PTPRS: variants seen among roughly 807,000 people sequenced by gnomAD.
The protein encoded by PTPRS is protein tyrosine phosphatase receptor type S, also known as receptor-type tyrosine-protein phosphatase S.
Under a neutral mutation model 215.3 loss-of-function variants are expected in PTPRS, and 63 were observed. The ratio of observed to expected loss-of-function variants is 0.29; its 90% CI spans 0.24 to 0.36. The LOEUF (loss-of-function observed/expected upper bound fraction) is 0.36. Ranked by LOEUF, PTPRS falls within the 10% of genes least tolerant of loss-of-function variation. The pLI, the probability that PTPRS is intolerant of heterozygous loss-of-function variation, is 1.00. For synonymous variants in PTPRS, 1,404 were observed against 1,191.4 expected (o/e 1.18, Z -3.68); for missense variants, 2,258 against 2,825.8 (o/e 0.80, Z 4.56).
chr19:5,295,325 C>T lies in PTPRS; in HGVS notation c.-94-9091G>A, dbSNP rs192000119. Among the ~76,000 whole-genome samples, 443 of 152,304 alleles carry T rather than the reference C, an allele frequency of 2.9e-3. 1 individual carries two copies. The highest frequency in any genetic ancestry group is 0.01 in the African/African-American group (431 of 41,576). On this transcript the variant is annotated intron_variant, in intron 1 of 37. Coordinates refer to ENST00000262963, the MANE Select transcript of PTPRS (RefSeq NM_002850.4). This position sits in a 1 kb window ranked among gnomAD's most constrained non-coding sequence, Gnocchi z 4.6. ...GGACGGCAGACAAGGGCTTGCCAGC[C>T]GCTTCCCAGCCAGTCCTGCCCTCTC...
At chr19:5,222,548 T>G in intron 18 of PTPRS, 141 bp downstream of exon 18, 2 of 998,622 alleles carry the variant, frequency 2.0e-6, no homozygotes, top group Non-Finnish European at 2.8e-6. Flanking sequence ...CGCCGGAGCC[T>G]CGGGGTCCGG....
rs1278436918 is a variant in PTPRS, at chr19:5,315,350, GGTTTT to G, written c.-95+25309_-95+25313del. Among the ~76,000 whole-genome samples, 560 of 101,250 alleles carry G rather than the reference GGTTTT, an allele frequency of 5.5e-3. 68 individuals are homozygous for G. The highest frequency in any genetic ancestry group is 0.021 in the African/African-American group (510 of 24,570). 66.4% of individuals were successfully genotyped at this position (101,250 alleles called of 152,430 possible). A position where few individuals can be genotyped will look rare whatever the true frequency, so the allele number is the denominator to read the frequency against. On this transcript the variant is annotated intron_variant, in intron 1 of 37. Coordinates refer to ENST00000262963, the MANE Select transcript of PTPRS (RefSeq NM_002850.4). ...TCATGGAGAATTTTTATTTGAAAAG[GGTTTT>G]TTTTTTTTTTTTTTTTTTTTTTTTT...
chr19:5,218,475 G>T lies in PTPRS; in HGVS notation c.3993C>A (p.Ala1331=). 2 of 1,614,100 alleles carry T rather than the reference G, an allele frequency of 1.2e-6. No homozygotes were observed. Residue 1331 remains alanine, a synonymous_variant, in exon 25 of 38, where the codon GCC becomes GCA. Coordinates refer to ENST00000262963, the MANE Select transcript of PTPRS (RefSeq NM_002850.4). ...TKCLLNNADL[A]PHHPKDPVEM... Reference sequence around the variant, plus strand: ...CCACAGGGTCCTTGGGGTGGTGAGGGGCGAGGTCGGCATTGTTCAGGAGGC... The same window carrying T: ...CCACAGGGTCCTTGGGGTGGTGAGGTGCGAGGTCGGCATTGTTCAGGAGGC...
rs767142162 is a variant in PTPRS, at chr19:5,223,098, C to A, written c.2694G>T (p.Gly898=). 1.3e-5 allele frequency: 21 copies of A among 1,564,248 alleles called. No individual in the cohort carries two copies. Among genetic ancestry groups the A allele is most frequent in the Non-Finnish European group, 1.7e-5 (20 of 1,154,972 alleles). ...CCGCAAGCCGGAACACATACGTGGC[C>A]CCCTTGTGCACGCCTGATGCCGTGT... is the stretch of plus-strand genomic sequence containing the variant. ...DRYTASGVHK[G]ATYVFRLAAR... is the part of the protein sequence containing the mutation. The change falls in exon 18 of 38, where the codon GGG becomes GGT. Residue 898 remains glycine (G), a synonymous_variant. Coordinates refer to ENST00000262963, the MANE Select transcript of PTPRS (RefSeq NM_002850.4).
intron 16 of PTPRS, 26 bp downstream of exon 16, chr19:5,229,290 G>A: frequency 1.5e-6 from 2 of 1,379,184 alleles, no homozygotes; most frequent in Middle Eastern, 1.9e-4. Flanking sequence ...CACAGCAGTA[G>A]GTGGGTGGCC....
At chr19:5,309,924 G>A (rs1280888354) in intron 1 of PTPRS, among the ~76,000 whole-genome samples, 5 of 152,096 alleles carry the variant, frequency 3.3e-5, no homozygotes, top group Non-Finnish European at 7.4e-5. Context: ...TGAACACGTC[G>A]GTCAGGGCTG....
rs747415864 is a variant in PTPRS, at chr19:5,221,086, G to A, written c.3369C>T (p.Asn1123=). The change falls in exon 20 of 38, where the codon AAC becomes AAT. Residue 1123 remains asparagine, a synonymous_variant. Coordinates refer to ENST00000262963, the MANE Select transcript of PTPRS (RefSeq NM_002850.4). The part of the protein sequence containing the change: ...VTAWTAFNLL[N]GKPSVAPKPD... ...GCTTGGGGGCGACGCTGGGCTTGCC[G>A]TTGAGCAGGTTGAAGGCAGTCCAGG... 2.0e-5 allele frequency: 33 copies of A among 1,613,878 alleles called. No homozygotes were observed. Among genetic ancestry groups the A allele is most frequent in the Admixed American group, 1.2e-4 (7 of 59,994 alleles).
chr19:5,268,191 T>TA (rs1013303870), intron 4 of PTPRS, among the ~76,000 whole-genome samples: 4 of 111,684 alleles, frequency 3.6e-5, no homozygotes, highest in Non-Finnish European at 6.0e-5. Flanking sequence ...ATAAATAAAT[T>TA]AATTAATTAA....
chr19:5,305,939 C>CA (rs35165317), intron 1 of PTPRS, among the ~76,000 whole-genome samples: 1,015 of 22,602 alleles, frequency 0.045, 230 homozygotes, highest in East Asian at 0.054. Context: ...GACTCCGTCT[C>CA]AAAAAAAAAA....
chr19:5,243,444 C>T lies in PTPRS; in HGVS notation c.1570+457G>A, dbSNP rs533840646. 1.3e-3 allele frequency among the ~76,000 whole-genome samples: 205 copies of T among 151,980 alleles called. 1 individual carries two copies. Among genetic ancestry groups the T allele is most frequent in the African/African-American group, 4.5e-3 (188 of 41,428 alleles). ...AGCCACCGCCTCCGGCCTAGCTCCC[C>T]GATTTTAAATGCTAGCATGAAAATA... is the stretch of plus-strand genomic sequence containing the variant. On this transcript the variant is annotated intron_variant, in intron 11 of 37. Coordinates refer to ENST00000262963, the MANE Select transcript of PTPRS (RefSeq NM_002850.4).
Position 5,290,288 on chromosome 19 carries a change from G to C in PTPRS, c.-94-4054C>G, listed in dbSNP as rs1440972519. On this transcript the variant is annotated intron_variant, in intron 1 of 37. Coordinates refer to ENST00000262963, the MANE Select transcript of PTPRS (RefSeq NM_002850.4). The stretch of plus-strand genomic sequence containing the variant: ...AACAGGGACTCAGCCAAGGCCCCCA[G>C]CTGGGGTGGGACTTGGGTCTAGAGC... Among the ~76,000 whole-genome samples the C allele has an allele frequency of 2.0e-5, 3 of 152,222 alleles. No homozygotes were observed. The East Asian group carries it at 5.8e-4, about 29-fold the overall frequency.
Position 5,212,330 on chromosome 19 carries a change from G to T in PTPRS, c.4769+7C>A. The T allele has an allele frequency of 6.2e-7, 1 of 1,613,512 alleles. No homozygotes were observed. Among genetic ancestry groups the T allele is most frequent in the Non-Finnish European group, 8.5e-7 (1 of 1,179,786 alleles). On this transcript the variant is annotated splice_region_variant and intron_variant, in intron 31 of 37. Coordinates refer to ENST00000262963, the MANE Select transcript of PTPRS (RefSeq NM_002850.4). ...GAAGCGGATGGGGCAGAGTGGGGTGGACGTACCTGCAGTGAACCACGATGG... is the reference window on the plus strand; with the variant it reads ...GAAGCGGATGGGGCAGAGTGGGGTGTACGTACCTGCAGTGAACCACGATGG...
At chr19:5,302,917 A>G (rs1288291286) in intron 1 of PTPRS, among the ~76,000 whole-genome samples, 1 of 151,092 alleles carries the variant, frequency 6.6e-6, no homozygotes, top group African/African-American at 2.4e-5. Context: ...AAAAAAAAAA[A>G]AAATTAGCCA....
chr19:5,285,810 C>T (rs991250936), intron 2 of PTPRS, among the ~76,000 whole-genome samples: 7 of 152,198 alleles, frequency 4.6e-5, no homozygotes, highest in African/African-American at 1.7e-4. Context: ...AAACAGACGC[C>T]GTCATCATCA....
At chr19:5,228,361 A>AAAAAAAAAAG (rs1555757601) in intron 16 of PTPRS, among the ~76,000 whole-genome samples, 1 of 143,966 alleles carries the variant, frequency 6.9e-6, no homozygotes, top group African/African-American at 2.6e-5. Context: ...AAAAAAAAAA[A>AAAAAAAAAAG]AAGAGACAGG....
At chr19:5,207,145 C>T (rs988308106) in intron 37 of PTPRS, among the ~76,000 whole-genome samples, 6 of 152,158 alleles carry the variant, frequency 3.9e-5, no homozygotes, top group African/African-American at 7.2e-5. Context: ...AGTGCAGTGG[C>T]GCCATCTTGG....
chr19:5,286,384 G>A (rs1012479786), intron 1 of PTPRS, 150 bp from the exon 2 acceptor site: 1 of 537,376 alleles, frequency 1.9e-6, no homozygotes, highest in African/African-American at 1.9e-5. Context: ...GTGATGGGAT[G>A]GAATGAAAGT....
chr19:5,214,576 C>T lies in PTPRS; in HGVS notation c.4479G>A (p.Leu1493=), dbSNP rs150765577. The T allele has an allele frequency of 1.9e-6, 3 of 1,611,460 alleles. No homozygotes were observed. The highest frequency in any genetic ancestry group is 2.2e-5 in the East Asian group (1 of 44,784). ...RSATIVMMTR[L]EEKSRIKCDQ... ...CAAGGCTCACCCGTGACTTCTCCTC[C>T]AGCCGCGTCATCATGACGATGGTCG... The change falls in exon 29 of 38, where the codon CTG becomes CTA. Residue 1493 remains leucine (L), a synonymous_variant. Coordinates refer to ENST00000262963, the MANE Select transcript of PTPRS (RefSeq NM_002850.4).
chr19:5,294,962 C>A lies in PTPRS; in HGVS notation c.-94-8728G>T, dbSNP rs956003091. On this transcript the variant is annotated intron_variant, in intron 1 of 37. Coordinates refer to ENST00000262963, the MANE Select transcript of PTPRS (RefSeq NM_002850.4). This position sits in a 1 kb window ranked among gnomAD's most constrained non-coding sequence, Gnocchi z 5.1. ...TGGAGGAGGCTGCCTGGTGCCCCAG[C>A]ATCACCAAAGGCACACAGGAGGTTC... 5.3e-5 allele frequency among the ~76,000 whole-genome samples: 8 copies of A among 152,196 alleles called. No individual in the cohort carries two copies. In the South Asian group the frequency reaches 6.2e-4, roughly 12 times the overall value.
Sources: gnomAD v4.1 joint callset for allele counts (sites outside exome capture counted in the v4.1 genomes callset) on GRCh38, gnomAD v4.1.1 for gene constraint, Gnocchi (gnomAD v3.1) non-coding constraint, MANE v1.5 for transcripts, NCBI Gene and HGNC (gene_info 2026-07-23, HGNC 2026-07-21) for gene names.